Variants in PLA2G6 observed in about 807,000 individuals in gnomAD.
PLA2G6 encodes the protein phospholipase A2 group VI, also known as 85/88 kDa calcium-independent phospholipase A2.
Under a neutral mutation model 83.8 loss-of-function variants are expected in PLA2G6, and 62 were observed. The ratio of observed to expected loss-of-function variants is 0.74; its 90% CI spans 0.60 to 0.91. PLA2G6 has a LOEUF of 0.91. PLA2G6 is among the 40% of genes least tolerant of loss of function. The pLI, the probability that PLA2G6 is intolerant of heterozygous loss-of-function variation, is 0.00. For synonymous variants in PLA2G6, 417 were observed against 449.8 expected (o/e 0.93, Z 0.92); for missense variants, 944 against 1,102.0 (o/e 0.86, Z 2.03).
Position 38,169,389 on chromosome 22 carries a change from C to G in PLA2G6, c.38G>C (p.Gly13Ala), listed in dbSNP as rs759970647. ...FFGRLVNTFS[G>A]VTNLFSNPFR... is the part of the protein sequence containing the mutation. ...TGGGTTAGAGAACAAGTTGGTGACG[C>G]CACTGAAGGTATTGACCAGGCGGCC... The change falls in exon 2 of 17, where the codon GGC becomes GCC. Residue 13 changes from glycine to alanine, a missense_variant. Transcript: ENST00000332509. 3.7e-6 allele frequency: 6 copies of G among 1,614,236 alleles called. No individual in the cohort carries two copies. Among genetic ancestry groups the G allele is most frequent in the Non-Finnish European group, 4.2e-6 (5 of 1,180,048 alleles).
At chr22:38,167,634 G>A (rs996658643) in intron 2 of PLA2G6, among the ~76,000 whole-genome samples, 2 of 152,184 alleles carry the variant, frequency 1.3e-5, no homozygotes, top group African/African-American at 4.8e-5. Flanking sequence ...CTCAGAATCT[G>A]GAATGGCCCC....
rs765470089 is a variant in PLA2G6, at chr22:38,140,048, G to A, written c.731C>T (p.Ala244Val). The A allele has an allele frequency of 6.2e-7, 1 of 1,613,442 alleles. No homozygotes were observed. The highest frequency in any genetic ancestry group is 2.2e-5 in the East Asian group (1 of 44,886). Reference protein sequence around the residue: ...EMVRVLLLCNARCNIMGPNGY... With the variant: ...EMVRVLLLCNVRCNIMGPNGY... ...GTTGGGGCCCATGATGTTGCACCGA[G>A]CATTGCACAGCAGCAGCACGCGGAC... The change falls in exon 5 of 17, where the codon GCT becomes GTT. Residue 244 changes from alanine to valine, a missense_variant. By Grantham distance (64) the Ala-to-Val change is moderately conservative (BLOSUM62 0). Transcript: ENST00000332509.
chr22:38,145,399 A>G (rs1368008381), intron 3 of PLA2G6, 39 bp downstream of exon 3: 2 of 1,505,302 alleles, frequency 1.3e-6, no homozygotes, highest in Admixed American at 3.8e-5. Flanking sequence ...ACAAGCAGGT[A>G]CACACACGTT....
intron 5 of PLA2G6, 132 bp from the exon 6 acceptor site, chr22:38,135,216 A>G: frequency 1.6e-5 from 11 of 696,128 alleles, no homozygotes; most frequent in Non-Finnish European, 2.9e-5. Flanking sequence ...AAACCCAACC[A>G]GCACACTCAC....
chr22:38,171,428 C>T (rs1317550591), intron 1 of PLA2G6, among the ~76,000 whole-genome samples: 2 of 152,162 alleles, frequency 1.3e-5, no homozygotes, highest in African/African-American at 2.4e-5. Flanking sequence ...GTGGCTCAAT[C>T]ATGGCTCACT....
At chr22:38,154,976 C>T (rs2089717414) in intron 2 of PLA2G6, among the ~76,000 whole-genome samples, 1 of 152,080 alleles carries the variant, frequency 6.6e-6, no homozygotes. Flanking sequence ...GCCTGTAATC[C>T]CAGCACTTCG....
intron 11 of PLA2G6, 23 bp from the exon 12 acceptor site, chr22:38,120,932 C>G: frequency 6.2e-7 from 1 of 1,611,786 alleles, no homozygotes; most frequent in Middle Eastern, 1.6e-4. Context: ...GGGTCAGAGG[C>G]GGGGAGATGC....
In PLA2G6 at chr22:38,143,216, C is replaced by T. The variant is rs1312222090; in HGVS notation, c.498G>A (p.Glu166=). The T allele has an allele frequency of 1.2e-6, 2 of 1,614,178 alleles. No individual in the cohort carries two copies. The highest frequency in any genetic ancestry group is 2.2e-5 in the South Asian group (2 of 91,088). ...AGTACTGCACCAGCTCCACCAGGAT[C>T]TCCCCATCACCCTTGCGGCAGGCCA... ...LHLACRKGDG[E]ILVELVQYCH... Residue 166 remains glutamate (E), a synonymous_variant, in exon 4 of 17, where the codon GAG becomes GAA. Transcript: ENST00000332509.
rs1027463904 is a variant in PLA2G6 at position 38,120,806 on chromosome 22, C to T, written c.1695G>A (p.Lys565=). The T allele has an allele frequency of 2.5e-6, 4 of 1,613,824 alleles. No homozygotes were observed. Among genetic ancestry groups the T allele is most frequent in the Non-Finnish European group, 3.4e-6 (4 of 1,180,050 alleles). ...TCTTGGTGTGCTCCCCAAACTCCCGCTTCAGGAACTCCTCCAGGGGCCCCG... is the reference window on the plus strand; with the variant it reads ...TCTTGGTGTGCTCCCCAAACTCCCGTTTCAGGAACTCCTCCAGGGGCCCCG... The part of the protein sequence containing the change: ...YESGPLEEFL[K]REFGEHTKMT... Residue 565 remains lysine (K), a synonymous_variant, in exon 12 of 17, where the codon AAG becomes AAA. Transcript: ENST00000332509.
In PLA2G6 at chr22:38,145,515, G is replaced by A. The variant is rs766489645; in HGVS notation, c.348C>T (p.Asn116=). Residue 116 remains asparagine (N), a synonymous_variant, in exon 3 of 17, where the codon AAC becomes AAT. Transcript: ENST00000332509. ...VLQHLTDLIR[N]HPSWSVAHLA... ...GGTGGGCCACTGACCAGCTGGGGTG[G>A]TTACGGATGAGGTCGGTCAGGTGCT... is the stretch of plus-strand genomic sequence containing the variant. 7.4e-6 allele frequency: 12 copies of A among 1,613,350 alleles called. No individual in the cohort carries two copies. The South Asian group carries it at 1.1e-4, about 15-fold the overall frequency.
chr22:38,166,599 C>T (rs1486703963), intron 2 of PLA2G6, among the ~76,000 whole-genome samples: 1 of 151,832 alleles, frequency 6.6e-6, no homozygotes, highest in Non-Finnish European at 1.5e-5. Context: ...TATGGTGGCA[C>T]GCACCTGTAG....
intron 2 of PLA2G6, among the ~76,000 whole-genome samples, chr22:38,165,679 C>T (rs975606738): frequency 3.3e-5 from 5 of 152,080 alleles, no homozygotes; most frequent in African/African-American, 1.2e-4. Flanking sequence ...CGAGACCATC[C>T]TGGCTAAGAG....
intron 3 of PLA2G6, 133 bp downstream of exon 3, chr22:38,145,305 G>A (rs1020522476): frequency 3.7e-5 from 29 of 786,990 alleles, no homozygotes; most frequent in African/African-American, 8.5e-5. Flanking sequence ...CTGGGACTGC[G>A]TTAGTGAGCG....
At chr22:38,151,203 A>G (rs1206419016) in intron 2 of PLA2G6, among the ~76,000 whole-genome samples, 3 of 151,964 alleles carry the variant, frequency 2.0e-5, no homozygotes, top group Non-Finnish European at 4.4e-5. Context: ...AGACTTTGTC[A>G]TTAGCAGACC....
At position 38,123,905 on chromosome 22, in the gene PLA2G6, G is replaced by A. The variant is rs542396839; in HGVS notation, c.1428-647C>T. On this transcript the variant is annotated intron_variant, in intron 10 of 16. Coordinates refer to ENST00000332509, the MANE Select transcript of PLA2G6 (RefSeq NM_003560.4). The surrounding 1 kb of genome is among the most constrained non-coding windows in gnomAD (Gnocchi z 4.1). ...GGCTGGAGTGCAATAACGCGATCTCGGCTCACCGCAACCTCTGCCTCCCGG... is the reference window on the plus strand; with the variant it reads ...GGCTGGAGTGCAATAACGCGATCTCAGCTCACCGCAACCTCTGCCTCCCGG... Among the ~76,000 whole-genome samples, 2 of 152,134 alleles carry A rather than the reference G, an allele frequency of 1.3e-5. No homozygotes were observed. Among genetic ancestry groups the A allele is most frequent in the South Asian group, 2.1e-4 (1 of 4,822 alleles).
chr22:38,116,299 T>TGTGA, intron 12 of PLA2G6, 88 bp from the exon 13 acceptor site: 5 of 1,432,346 alleles, frequency 3.5e-6, no homozygotes, highest in South Asian at 1.2e-5. Context: ...GGGCCTTGGG[T>TGTGA]AGCAGAGTGC....
In PLA2G6 at chr22:38,112,287, C is replaced by T. The variant is rs1343460465; in HGVS notation, c.2295G>A (p.Gly765=). The T allele has an allele frequency of 3.7e-6, 6 of 1,613,558 alleles. No homozygotes were observed. The Admixed American group carries it at 6.7e-5, about 18-fold the overall frequency. ...IQYFRLNPQL[G]TDIMLDEVSD... ...TGACCTCATCCAGCATGATGTCCGTCCCCAGCTGGGGGTTCAATCTGTTCG... is the reference window on the plus strand; with the variant it reads ...TGACCTCATCCAGCATGATGTCCGTTCCCAGCTGGGGGTTCAATCTGTTCG... Residue 765 remains glycine, a synonymous_variant, in exon 17 of 17, where the codon GGG becomes GGA. Transcript: ENST00000332509.
intron 2 of PLA2G6, chr22:38,148,361 C>T: frequency 1.7e-6 from 1 of 602,438 alleles, no homozygotes; most frequent in East Asian, 3.0e-5. Context: ...TCAGAACTTC[C>T]ACTTTCCATT....
Position 38,134,969 on chromosome 22 carries a change from C to CCCCCCAAGAA in PLA2G6, c.894+18_894+19insTTCTTGGGGG. 1 of 1,415,016 alleles carries CCCCCCAAGAA rather than the reference C, an allele frequency of 7.1e-7. No homozygotes were observed. The highest frequency in any genetic ancestry group is 1.0e-6 in the Non-Finnish European group (1 of 1,001,092). 87.7% of individuals were successfully genotyped at this position (1,415,016 alleles called of 1,614,324 possible). On this transcript the variant is annotated intron_variant, in intron 6 of 16. Transcript: ENST00000332509. ...GGCCCGGCCCCCTGCCCCACCCACC[C>CCCCCCAAGAA]ACCTCAGGATCCACTCACCTCTGCG...
Sources: allele counts gnomAD v4.1 joint callset (sites outside exome capture counted in the v4.1 genomes callset), GRCh38; gene constraint gnomAD v4.1.1; non-coding constraint Gnocchi (gnomAD v3.1); transcripts MANE v1.5; gene names NCBI Gene and HGNC (gene_info 2026-07-23, HGNC 2026-07-21).